CSMD2: variants seen among roughly 807,000 people sequenced by gnomAD.
CSMD2 encodes CUB and sushi domain-containing protein 2.
In CSMD2, 130 loss-of-function variants were observed where a neutral mutation model predicts 398.5. The ratio of observed to expected loss-of-function variants is 0.33; its 90% CI spans 0.28 to 0.38. The LOEUF (loss-of-function observed/expected upper bound fraction) is 0.38. Among genes scored for constraint, CSMD2 ranks in the 10% least tolerant of loss-of-function variants. The pLI is 1.00. For synonymous variants in CSMD2, 1,828 were observed against 1,908.5 expected (o/e 0.96, Z 1.10); for missense variants, 3,829 against 4,764.9 (o/e 0.80, Z 5.78).
At chr1:33,745,445 A>T (rs1389624859) in intron 13 of CSMD2, among the ~76,000 whole-genome samples, 3 of 152,220 alleles carry the variant, frequency 2.0e-5, no homozygotes, top group Non-Finnish European at 4.4e-5. Context: ...GTGTTAATTA[A>T]ATTGATATTT....
At chr1:33,978,249 T>C (rs1242766437) in intron 3 of CSMD2, among the ~76,000 whole-genome samples, 4 of 152,220 alleles carry the variant, frequency 2.6e-5, no homozygotes, top group Non-Finnish European at 4.4e-5. Flanking sequence ...CATCTCATTA[T>C]GTCTGGTGCT....
chr1:33,984,357 T>C (rs757188155), intron 3 of CSMD2, among the ~76,000 whole-genome samples: 23 of 152,052 alleles, frequency 1.5e-4, no homozygotes, highest in Non-Finnish European at 2.9e-4. Flanking sequence ...TTTCACTCGG[T>C]GTGGGGTGGG....
intron 5 of CSMD2, among the ~76,000 whole-genome samples, chr1:33,888,081 T>C (rs1008277881): frequency 3.9e-5 from 6 of 152,108 alleles, no homozygotes; most frequent in South Asian, 2.1e-4. Context: ...ACTTATGTGA[T>C]GAAAACTATA....
chr1:34,097,024 A>C (rs1451275048), intron 1 of CSMD2, among the ~76,000 whole-genome samples: 1 of 148,930 alleles, frequency 6.7e-6, no homozygotes, highest in African/African-American at 2.5e-5. Context: ...CCACAAGGCT[A>C]CAGTAACCAA....
At chr1:34,131,884 T>G (rs1054562536) in intron 1 of CSMD2, among the ~76,000 whole-genome samples, 1 of 152,128 alleles carries the variant, frequency 6.6e-6, no homozygotes, top group Admixed American at 6.5e-5. Context: ...CAGGATCCCC[T>G]GAAAATACTT....
At chr1:33,646,541 G>T in intron 29 of CSMD2, 107 bp downstream of exon 29, 3 of 1,222,414 alleles carry the variant, frequency 2.5e-6, no homozygotes, top group Non-Finnish European at 3.5e-6. Flanking sequence ...GGTTGGTGTG[G>T]GCTTGCTGTG....
chr1:33,937,684 C>T lies in CSMD2; in HGVS notation c.518-1730G>A, dbSNP rs977658665. 2.0e-5 allele frequency among the ~76,000 whole-genome samples: 3 copies of T among 152,228 alleles called. No individual in the cohort carries two copies. The East Asian group carries it at 5.8e-4, about 29-fold the overall frequency. ...TGGTAGACTTTGGAACCAGCCTGAT[C>T]TGGGTGTGAAACCAGGTGCCATCAT... is the stretch of plus-strand genomic sequence containing the variant. On this transcript the variant is annotated intron_variant, in intron 3 of 70. Coordinates refer to ENST00000373381, the MANE Select transcript of CSMD2 (RefSeq NM_001281956.2).
chr1:33,548,687 A>G (rs1657143454), intron 56 of CSMD2, among the ~76,000 whole-genome samples: 2 of 152,202 alleles, frequency 1.3e-5, no homozygotes, highest in Admixed American at 1.3e-4. Context: ...CTAATTGCCT[A>G]TTCTTCTCAT....
intron 15 of CSMD2, among the ~76,000 whole-genome samples, chr1:33,728,578 G>A (rs571561678): frequency 2.0e-5 from 3 of 152,118 alleles, no homozygotes; most frequent in Middle Eastern, 6.3e-3. Flanking sequence ...TAGGTTAAGA[G>A]ACTAGATCAA....
At chr1:34,041,546 A>C (rs1304949073) in intron 2 of CSMD2, among the ~76,000 whole-genome samples, 2 of 152,180 alleles carry the variant, frequency 1.3e-5, no homozygotes, top group African/African-American at 4.8e-5. Context: ...GTTTGTGCCC[A>C]TGTTTGAGAA....
chr1:33,527,849 G>A (rs1654913625), intron 64 of CSMD2, among the ~76,000 whole-genome samples: 4 of 151,600 alleles, frequency 2.6e-5, no homozygotes. Context: ...GCTGAGGCAG[G>A]AGAATGGTGT....
intron 3 of CSMD2, among the ~76,000 whole-genome samples, chr1:33,940,801 T>C (rs1400864607): frequency 1.3e-5 from 2 of 152,234 alleles, no homozygotes; most frequent in African/African-American, 2.4e-5. Flanking sequence ...ATTACCCGAC[T>C]GTCCAGATTT....
At chr1:33,618,249 G>A (rs568331938) in intron 37 of CSMD2, among the ~76,000 whole-genome samples, 41 of 152,138 alleles carry the variant, frequency 2.7e-4, no homozygotes, top group African/African-American at 9.2e-4. Flanking sequence ...TTCAACTCCC[G>A]TGTTCAGCTC....
intron 41 of CSMD2, among the ~76,000 whole-genome samples, chr1:33,609,355 C>T (rs933016005): frequency 6.6e-6 from 1 of 152,202 alleles, no homozygotes; most frequent in Admixed American, 6.5e-5. Flanking sequence ...GGAGCTCCAT[C>T]CCCACCATAT....
intron 24 of CSMD2, 152 bp from the exon 25 acceptor site, chr1:33,693,208 G>A: frequency 1.2e-6 from 1 of 860,768 alleles, no homozygotes; most frequent in Non-Finnish European, 1.7e-6. Flanking sequence ...GTCTCTGGAT[G>A]AGACTTATAT....
chr1:33,526,338 C>T (rs991333151), intron 65 of CSMD2, among the ~76,000 whole-genome samples: 5 of 152,176 alleles, frequency 3.3e-5, no homozygotes, highest in Non-Finnish European at 7.3e-5. Context: ...TTAGCTCTGT[C>T]ACTTATCAGT....
intron 2 of CSMD2, among the ~76,000 whole-genome samples, chr1:34,065,085 CAG>C (rs1360430304): frequency 6.6e-6 from 1 of 152,172 alleles, no homozygotes; most frequent in African/African-American, 2.4e-5. Flanking sequence ...GGTGGAGACA[CAG>C]AGCCAAACCA....
At chr1:34,056,283 C>G (rs1484526783) in intron 2 of CSMD2, among the ~76,000 whole-genome samples, 2 of 152,194 alleles carry the variant, frequency 1.3e-5, no homozygotes. Flanking sequence ...GCTCTGGACA[C>G]ATCCCTCTAT....
intron 53 of CSMD2, among the ~76,000 whole-genome samples, chr1:33,567,314 A>G (rs937063947): frequency 1.3e-5 from 2 of 151,964 alleles, no homozygotes; most frequent in African/African-American, 4.8e-5. Flanking sequence ...GAATGAAAAT[A>G]AATGAATTAA....
Sources: gnomAD v4.1 joint callset for allele counts (sites outside exome capture counted in the v4.1 genomes callset) on GRCh38, gnomAD v4.1.1 for gene constraint, MANE v1.5 for transcripts, NCBI Gene and HGNC (gene_info 2026-07-23, HGNC 2026-07-21) for gene names.